RAB6B: variants seen among roughly 807,000 people sequenced by gnomAD.
The protein encoded by RAB6B is ras-related protein Rab-6B.
In RAB6B, 7 loss-of-function variants were observed where a neutral mutation model predicts 31.2. That is an observed-to-expected ratio of 0.22 (90% CI 0.13 to 0.42). The LOEUF (loss-of-function observed/expected upper bound fraction) is 0.42, where lower values mean the gene tolerates loss of function less well. Ranked by LOEUF, RAB6B falls within the 10% of genes least tolerant of loss-of-function variation. RAB6B has a pLI of 1.00. For missense variants in RAB6B, 149 were observed against 280.6 expected (o/e 0.53, Z 3.35); for synonymous variants, 105 against 104.9 (o/e 1.00, Z -0.01).
At chr3:133,877,313 T>C (rs1019096079) in intron 1 of RAB6B, among the ~76,000 whole-genome samples, 1 of 152,194 alleles carries the variant, frequency 6.6e-6, no homozygotes, top group Non-Finnish European at 1.5e-5. Flanking sequence ...CAAATGTATA[T>C]GAGGAAACTA....
At chr3:133,835,506 G>A (rs1180107372) in intron 6 of RAB6B, among the ~76,000 whole-genome samples, 1 of 151,028 alleles carries the variant, frequency 6.6e-6, no homozygotes, top group Middle Eastern at 3.4e-3. Context: ...GTGTGTGTTT[G>A]GGCAGGTGTG....
intron 1 of RAB6B, among the ~76,000 whole-genome samples, chr3:133,865,205 C>T (rs544802936): frequency 2.6e-5 from 4 of 152,300 alleles, no homozygotes; most frequent in South Asian, 4.2e-4. Context: ...CAGCTCATTG[C>T]AGGATGTTTA....
chr3:133,863,192 T>C (rs1358697368), intron 2 of RAB6B, among the ~76,000 whole-genome samples: 1 of 152,186 alleles, frequency 6.6e-6, no homozygotes, highest in Non-Finnish European at 1.5e-5. Context: ...CTCTGTCAAT[T>C]CCTATGGTCA....
chr3:133,889,445 T>C (rs1299844494), intron 1 of RAB6B, among the ~76,000 whole-genome samples: 3 of 109,788 alleles, frequency 2.7e-5, no homozygotes. Context: ...TATATATATA[T>C]TTATTTTGGG....
intron 3 of RAB6B, 93 bp from the exon 4 acceptor site, chr3:133,841,483 T>C: frequency 6.5e-7 from 1 of 1,534,998 alleles, no homozygotes; most frequent in Non-Finnish European, 9.0e-7. Flanking sequence ...GGCTCTGCAA[T>C]GCTGGCATCA....
chr3:133,864,347 ACT>A (rs1196147405), intron 2 of RAB6B, among the ~76,000 whole-genome samples: 1 of 151,566 alleles, frequency 6.6e-6, no homozygotes. Flanking sequence ...GAGAACACAG[ACT>A]CTCTCTATTT....
At chr3:133,870,110 A>G (rs1936294356) in intron 1 of RAB6B, among the ~76,000 whole-genome samples, 3 of 152,212 alleles carry the variant, frequency 2.0e-5, no homozygotes, top group South Asian at 2.1e-4. Context: ...TAAAGGAAAC[A>G]GGTTTAACTG....
At chr3:133,833,867 AAC>A (rs1935692151) in intron 7 of RAB6B, among the ~76,000 whole-genome samples, 1 of 152,198 alleles carries the variant, frequency 6.6e-6, no homozygotes, top group Admixed American at 6.5e-5. Context: ...CCCCTGCTGA[AAC>A]AGTTTTCATC....
chr3:133,883,429 A>C (rs965503839), intron 1 of RAB6B, among the ~76,000 whole-genome samples: 1 of 152,062 alleles, frequency 6.6e-6, no homozygotes, highest in African/African-American at 2.4e-5. Context: ...CCTTTCATTA[A>C]ATTTGGTTAG....
chr3:133,843,039 T>G (rs1431573382), intron 2 of RAB6B, among the ~76,000 whole-genome samples: 3 of 152,238 alleles, frequency 2.0e-5, no homozygotes, highest in African/African-American at 7.2e-5. Flanking sequence ...TGCACAAGTG[T>G]GCATGTTTAC....
At chr3:133,895,106 G>A (rs1229612126) in intron 1 of RAB6B, among the ~76,000 whole-genome samples, 2 of 152,154 alleles carry the variant, frequency 1.3e-5, no homozygotes, top group Non-Finnish European at 2.9e-5. Context: ...CAGCGCCGCG[G>A]AGCCAGCCGC....
intron 2 of RAB6B, among the ~76,000 whole-genome samples, chr3:133,858,049 C>G (rs1277310358): frequency 6.6e-6 from 1 of 152,140 alleles, no homozygotes; most frequent in African/African-American, 2.4e-5. Flanking sequence ...CTGCCTCCCA[C>G]AAACTCCTTA....
chr3:133,868,797 A>C (rs926019882), intron 1 of RAB6B, among the ~76,000 whole-genome samples: 2 of 152,208 alleles, frequency 1.3e-5, no homozygotes, highest in Non-Finnish European at 2.9e-5. Flanking sequence ...GAGGAAACTC[A>C]AACTCTTACT....
rs1559895776 is a variant in RAB6B, at chr3:133,825,047, G to C, written c.*3741C>G. 1 of 152,146 alleles carries C rather than the reference G, an allele frequency of 6.6e-6. No homozygotes were observed. Among genetic ancestry groups the C allele is most frequent in the Non-Finnish European group, 1.5e-5 (1 of 68,046 alleles). The allele number at this position is 152,146 out of a possible 1,614,324, so 9.4% of individuals were successfully genotyped here. ...GTGACAATGCCTCACATTCTTTGGG[G>C]AGAGGCAGTTCGGAAACGAGTGTGC... On this transcript the variant is annotated 3_prime_UTR_variant, in exon 8 of 8. Coordinates refer to ENST00000285208, the MANE Select transcript of RAB6B (RefSeq NM_016577.4).
At position 133,838,166 on chromosome 3, in the gene RAB6B, C is replaced by T; in HGVS notation, c.495G>A (p.Gln165=). 1 of 1,613,838 alleles carries T rather than the reference C, an allele frequency of 6.2e-7. No individual in the cohort carries two copies. Among genetic ancestry groups the T allele is most frequent in the Admixed American group, 1.7e-5 (1 of 60,036 alleles). ...GGCCCCGTGCCAGGTGTGTCCTCAC[C>T]TGCTTCACGTTGTAGCCAGTCTTCG... is the stretch of plus-strand genomic sequence containing the variant. ...TSAKTGYNVK[Q]LFRRVASALP... is the part of the protein sequence containing the mutation. Residue 165 remains glutamine, a splice_region_variant and synonymous_variant, in exon 6 of 8, where the codon CAG becomes CAA. Coordinates refer to ENST00000285208, the MANE Select transcript of RAB6B (RefSeq NM_016577.4).
intron 4 of RAB6B, among the ~76,000 whole-genome samples, chr3:133,840,806 CAGCCTACTGCGCT>C (rs941553939): frequency 1.3e-5 from 2 of 152,088 alleles, no homozygotes; most frequent in African/African-American, 4.8e-5. Context: ...GAAGGGTTAC[CAGCCTACTGCGCT>C]TCCAGACCCC....
chr3:133,847,046 T>C (rs1358014859), intron 2 of RAB6B, among the ~76,000 whole-genome samples: 1 of 152,222 alleles, frequency 6.6e-6, no homozygotes, highest in African/African-American at 2.4e-5. Context: ...TGGGCAAATA[T>C]AAAAACACGC....
intron 4 of RAB6B, 51 bp downstream of exon 4, chr3:133,841,234 G>A: frequency 6.4e-7 from 1 of 1,569,266 alleles, no homozygotes. Context: ...TCACACCTGG[G>A]CCCTGGACCC....
At chr3:133,880,740 G>GACCTGC (rs1553749274) in intron 1 of RAB6B, among the ~76,000 whole-genome samples, 1 of 151,746 alleles carries the variant, frequency 6.6e-6, no homozygotes, top group African/African-American at 2.4e-5. Context: ...GAGGGCACAG[G>GACCTGC]CCCTGCCCCT....
Sources: gnomAD v4.1 joint callset for allele counts (sites outside exome capture counted in the v4.1 genomes callset) on GRCh38, gnomAD v4.1.1 for gene constraint, MANE v1.5 for transcripts, NCBI Gene and HGNC (gene_info 2026-07-23, HGNC 2026-07-21) for gene names.